The following CNTNAP4 variants were observed in gnomAD, a reference collection of about 807,000 sequenced individuals.
The protein encoded by CNTNAP4 is contactin-associated protein-like 4.
Under a neutral mutation model 148.4 loss-of-function variants are expected in CNTNAP4, and 98 were observed. The observed-to-expected ratio is 0.66, with a 90% CI of 0.56 to 0.78. CNTNAP4 has a LOEUF of 0.78. Among genes scored for constraint, CNTNAP4 ranks in the 30% least tolerant of loss-of-function variants. The pLI is 0.00. For missense variants in CNTNAP4, 1,935 were observed against 1,565.6 expected (o/e 1.24, Z -3.98); for synonymous variants, 730 against 565.1 (o/e 1.29, Z -4.14).
rs150568908 is a variant in CNTNAP4, at chr16:76,479,342, C to T, written c.1763-77C>T. 53 of 1,275,392 alleles carry T rather than the reference C, an allele frequency of 4.2e-5. 1 individual carries two copies. In the Admixed American group the frequency reaches 4.3e-4, roughly 10 times the overall value. The allele number at this position is 1,275,392 out of a possible 1,614,324, so 79.0% of individuals were successfully genotyped here. On this transcript the variant is annotated intron_variant, in intron 11 of 23. Transcript: ENST00000611870. ...TGTACATTTTAAATTTCAAGATTTG[C>T]GGTATTTCATGTCCAAATTAAAAGT...
At chr16:76,290,097 A>G (rs1959053633) in intron 1 of CNTNAP4, among the ~76,000 whole-genome samples, 1 of 152,160 alleles carries the variant, frequency 6.6e-6, no homozygotes, top group South Asian at 2.1e-4. Context: ...AAGGTGGTGA[A>G]GTGTGCCCTG....
chr16:76,383,001 A>G (rs1362782891), intron 3 of CNTNAP4, among the ~76,000 whole-genome samples: 2 of 152,210 alleles, frequency 1.3e-5, no homozygotes, highest in African/African-American at 4.8e-5. Flanking sequence ...ACATTAATGA[A>G]TGCCTTATAG....
At chr16:76,443,954 G>C (rs189944196) in intron 4 of CNTNAP4, among the ~76,000 whole-genome samples, 1 of 152,178 alleles carries the variant, frequency 6.6e-6, no homozygotes, top group Admixed American at 6.5e-5. Flanking sequence ...TATGTTTTCA[G>C]TTCGCAATGT....
rs766264146 is a variant in CNTNAP4 at position 76,467,435 on chromosome 16, G to A, written c.1567G>A (p.Gly523Ser). ...ATGTATGAGGCTCATTTCTATCAGC[G>A]GCAAAGTGGTAGATCTGATTTCAGT... Reference protein sequence around the residue: ...QGCMRLISISGKVVDLISVQQ... With the variant: ...QGCMRLISISSKVVDLISVQQ... Residue 523 changes from glycine to serine, a missense_variant, in exon 10 of 24, where the codon GGC (glycine) becomes AGC (serine). Gly to Ser is a moderately conservative substitution (Grantham distance 56, BLOSUM62 0). Coordinates refer to ENST00000611870, the MANE Select transcript of CNTNAP4 (RefSeq NM_033401.5). The A allele has an allele frequency of 8.1e-6, 13 of 1,613,620 alleles. No homozygotes were observed. The highest frequency in any genetic ancestry group is 6.7e-5 in the Admixed American group (4 of 59,980).
chr16:76,518,202 A>G (rs1329868138), intron 15 of CNTNAP4, among the ~76,000 whole-genome samples: 1 of 152,108 alleles, frequency 6.6e-6, no homozygotes, highest in Non-Finnish European at 1.5e-5. Flanking sequence ...ATCTGGGCTG[A>G]CTGCAACCTC....
chr16:76,517,226 C>T (rs972820080), intron 15 of CNTNAP4, among the ~76,000 whole-genome samples: 3 of 152,004 alleles, frequency 2.0e-5, no homozygotes, highest in African/African-American at 7.3e-5. Context: ...GGGAGGAAAG[C>T]GGTTTTAGCT....
rs150108669 is a variant in CNTNAP4, at chr16:76,434,192, A to T, written c.538+6593A>T. 1.6e-3 allele frequency among the ~76,000 whole-genome samples: 239 copies of T among 151,312 alleles called. 1 individual carries two copies. Among genetic ancestry groups the T allele is most frequent in the Middle Eastern group, 7.0e-3 (2 of 284 alleles). On this transcript the variant is annotated intron_variant, in intron 4 of 23. Coordinates refer to ENST00000611870, the MANE Select transcript of CNTNAP4 (RefSeq NM_033401.5). ...ATATATAAAGGGGAGTTTATTAAGT[A>T]TTATTAAGTAGTTTACTGAGTATTA... is the stretch of plus-strand genomic sequence containing the variant.
At chr16:76,447,625 G>C (rs1285563186) in intron 4 of CNTNAP4, among the ~76,000 whole-genome samples, 2 of 152,080 alleles carry the variant, frequency 1.3e-5, no homozygotes, top group African/African-American at 4.8e-5. Flanking sequence ...CATGCCTCAA[G>C]TACCTATCCA....
At chr16:76,416,593 C>T (rs9931531) in intron 3 of CNTNAP4, among the ~76,000 whole-genome samples, 57,393 of 150,692 alleles carry the variant, frequency 0.38, 11,063 homozygotes, top group Middle Eastern at 0.48. Context: ...TCCTTTATGA[C>T]CTGAGAGCAT....
At chr16:76,297,805 A>T (rs934389141) in intron 1 of CNTNAP4, among the ~76,000 whole-genome samples, 6 of 152,198 alleles carry the variant, frequency 3.9e-5, no homozygotes, top group African/African-American at 1.4e-4. Context: ...TTTGTTTGGC[A>T]TCTGCAGCAT....
In CNTNAP4 at chr16:76,462,065, G is replaced by A. The variant is rs772278461; in HGVS notation, c.1443G>A (p.Gly481=). The part of the protein sequence containing the change: ...GQMASAAPLL[G]PEQIYSGGTY... ...TGGCTTCTGCTGCTCCTCTGCTGGG[G>A]CCTGAGCAGATTTATTCGGGTGGCA... Residue 481 remains glycine (G), a synonymous_variant, in exon 9 of 24, where the codon GGG becomes GGA. Coordinates refer to ENST00000611870, the MANE Select transcript of CNTNAP4 (RefSeq NM_033401.5). The A allele has an allele frequency of 3.1e-6, 5 of 1,613,674 alleles. No homozygotes were observed. The highest frequency in any genetic ancestry group is 1.7e-5 in the Admixed American group (1 of 59,992).
At chr16:76,301,909 T>C (rs1960009996) in intron 1 of CNTNAP4, among the ~76,000 whole-genome samples, 1 of 152,104 alleles carries the variant, frequency 6.6e-6, no homozygotes, top group East Asian at 1.9e-4. Context: ...AGGACATATG[T>C]ACAGAAAACA....
chr16:76,495,569 G>T (rs917590341), intron 14 of CNTNAP4, among the ~76,000 whole-genome samples: 5 of 151,846 alleles, frequency 3.3e-5, no homozygotes, highest in Non-Finnish European at 7.4e-5. Context: ...AACATTTTAG[G>T]AATTTTAAAA....
chr16:76,439,955 C>A (rs2221534), intron 4 of CNTNAP4, among the ~76,000 whole-genome samples: 52,504 of 151,994 alleles, frequency 0.35, 10,887 homozygotes, highest in Non-Finnish European at 0.44. Context: ...ATCTATCATG[C>A]TGCTACTTTA....
chr16:76,330,170 C>G (rs1963379444), intron 2 of CNTNAP4, among the ~76,000 whole-genome samples: 1 of 152,074 alleles, frequency 6.6e-6, no homozygotes, highest in Admixed American at 6.5e-5. Context: ...AATTATTTTT[C>G]TTTCTGGTTC....
intron 21 of CNTNAP4, among the ~76,000 whole-genome samples, chr16:76,551,094 C>A (rs1008546922): frequency 6.6e-6 from 1 of 151,914 alleles, no homozygotes; most frequent in Non-Finnish European, 1.5e-5. Context: ...GAAAATAGAG[C>A]CCCTCAAAAT....
chr16:76,397,936 G>T (rs1430714822), intron 3 of CNTNAP4, among the ~76,000 whole-genome samples: 2 of 64,848 alleles, frequency 3.1e-5, no homozygotes. Context: ...AGAACTAATA[G>T]ATTATATACA....
intron 3 of CNTNAP4, among the ~76,000 whole-genome samples, chr16:76,416,272 T>G (rs1191841473): frequency 6.6e-6 from 1 of 151,400 alleles, no homozygotes; most frequent in East Asian, 1.9e-4. Flanking sequence ...TTCTTTGTGC[T>G]CTAATTTTTA....
At chr16:76,472,623 A>G (rs771751590) in intron 10 of CNTNAP4, among the ~76,000 whole-genome samples, 6 of 152,198 alleles carry the variant, frequency 3.9e-5, no homozygotes, top group Non-Finnish European at 8.8e-5. Flanking sequence ...TCCATGGTGT[A>G]TAGGTACCAC....
Sources: allele counts gnomAD v4.1 joint callset (sites outside exome capture counted in the v4.1 genomes callset), GRCh38; gene constraint gnomAD v4.1.1; transcripts MANE v1.5; gene names NCBI Gene and HGNC (gene_info 2026-07-23, HGNC 2026-07-21).